CECR2: variants seen among roughly 807,000 people sequenced by gnomAD.
The protein encoded by CECR2 is CECR2 histone acetyl-lysine reader.
A neutral mutation model predicts 154.5 loss-of-function variants in CECR2; 30 were observed. The ratio of observed to expected loss-of-function variants is 0.19; its 90% confidence interval spans 0.15 to 0.26. The LOEUF (loss-of-function observed/expected upper bound fraction) is 0.26. CECR2 is among the 10% of genes least tolerant of loss of function. The pLI is 1.00. For synonymous variants in CECR2, 725 were observed against 683.7 expected (o/e 1.06, Z -0.94); for missense variants, 1,743 against 1,829.3 (o/e 0.95, Z 0.86).
chr22:17,511,571 T>TA (rs1321980100), intron 7 of CECR2, among the ~76,000 whole-genome samples: 10 of 151,904 alleles, frequency 6.6e-5, no homozygotes, highest in Non-Finnish European at 1.5e-4. Flanking sequence ...TTGCCAGTGA[T>TA]ACATATTATA....
intron 2 of CECR2, among the ~76,000 whole-genome samples, chr22:17,490,285 G>A (rs773381566): frequency 1.4e-4 from 22 of 151,884 alleles, no homozygotes; most frequent in African/African-American, 3.9e-4. Context: ...GATGTGTAGC[G>A]GTAGCTTTGT....
intron 1 of CECR2, chr22:17,419,662 A>G (rs1204344727): frequency 2.1e-5 from 7 of 328,808 alleles, no homozygotes; most frequent in Non-Finnish European, 3.7e-5. Context: ...ACTTGGATCT[A>G]TCAACAGTTA....
chr22:17,438,995 G>C (rs2054546358), intron 1 of CECR2, among the ~76,000 whole-genome samples: 2 of 152,084 alleles, frequency 1.3e-5, no homozygotes, highest in Admixed American at 6.6e-5. Context: ...GGGCAACAGA[G>C]TGAGACCTCA....
rs1300127854 is a variant in CECR2, at chr22:17,548,241, T to C, written c.2954T>C (p.Leu985Pro). The part of the protein sequence containing the change: ...LTQLPHPTPP[L>P]QTDCTRQSSP... ...CAACTACCTCACCCCACACCTCCCC[T>C]GCAGACTGACTGCACCAGGCAGAGC... The change falls in exon 17 of 19, where the codon CTG (leucine) becomes CCG (proline). Residue 985 changes from leucine to proline, a missense_variant. Physicochemically the swap from Leu to Pro is moderately conservative, Grantham distance 98. Coordinates refer to ENST00000262608, the MANE Select transcript of CECR2 (RefSeq NM_001290047.2). 6.3e-7 allele frequency: 1 copy of C among 1,597,930 alleles called. No homozygotes were observed.
chr22:17,500,824 TG>T, intron 5 of CECR2, 89 bp downstream of exon 5: 6 of 936,582 alleles, frequency 6.4e-6, no homozygotes, highest in Middle Eastern at 2.2e-4. Flanking sequence ...GCCTGTGCCA[TG>T]GGAAGCACAT....
intron 1 of CECR2, among the ~76,000 whole-genome samples, chr22:17,457,968 CAG>C (rs762412844): frequency 6.6e-6 from 1 of 152,026 alleles, no homozygotes; most frequent in Non-Finnish European, 1.5e-5. Flanking sequence ...ATTATAGAGA[CAG>C]AGAACAGATT....
chr22:17,511,105 G>GGGAA (rs2055942436), intron 7 of CECR2, among the ~76,000 whole-genome samples: 1 of 152,160 alleles, frequency 6.6e-6, no homozygotes, highest in Non-Finnish European at 1.5e-5. Context: ...GTTATCTTAA[G>GGGAA]GGAAGGCCTT....
At chr22:17,426,875 T>A (rs2054339178) in intron 1 of CECR2, among the ~76,000 whole-genome samples, 1 of 152,204 alleles carries the variant, frequency 6.6e-6, no homozygotes, top group African/African-American at 2.4e-5. Flanking sequence ...AATTTTTTTT[T>A]TAAATTATAC....
chr22:17,532,647 C>G (rs1341455123), intron 9 of CECR2, among the ~76,000 whole-genome samples: 1 of 146,918 alleles, frequency 6.8e-6, no homozygotes, highest in Non-Finnish European at 1.5e-5. Context: ...GAAAATCACC[C>G]AGGAAACTAT....
chr22:17,475,251 A>T (rs2055190214), intron 1 of CECR2, among the ~76,000 whole-genome samples: 1 of 152,132 alleles, frequency 6.6e-6, no homozygotes, highest in Non-Finnish European at 1.5e-5. Context: ...CTCTTAGAGA[A>T]AAGACACAGT....
At chr22:17,491,957 T>C (rs2055540584) in intron 2 of CECR2, among the ~76,000 whole-genome samples, 2 of 152,174 alleles carry the variant, frequency 1.3e-5, no homozygotes, top group African/African-American at 4.8e-5. Context: ...ATGTGGGATA[T>C]AGTAGCTATT....
chr22:17,551,896 TTG>T (rs2056713763), intron 17 of CECR2, 133 bp from the exon 18 acceptor site: 2 of 758,290 alleles, frequency 2.6e-6, no homozygotes, highest in South Asian at 3.5e-5. Flanking sequence ...GAATGTCGAG[TTG>T]TCCCAGTATG....
chr22:17,387,948 T>TG (rs1041282375), intron 1 of CECR2, among the ~76,000 whole-genome samples: 58 of 152,180 alleles, frequency 3.8e-4, no homozygotes, highest in African/African-American at 1.3e-3. Context: ...TGAGTTTTTT[T>TG]TTTGTTTGTT....
chr22:17,534,054 G>T (rs1244486490), intron 9 of CECR2, among the ~76,000 whole-genome samples: 1 of 152,096 alleles, frequency 6.6e-6, no homozygotes, highest in East Asian at 1.9e-4. Flanking sequence ...ATACGATAGG[G>T]TCAATCATTA....
At chr22:17,374,845 C>T (rs1049756692) in intron 1 of CECR2, among the ~76,000 whole-genome samples, 9 of 152,164 alleles carry the variant, frequency 5.9e-5, no homozygotes, top group African/African-American at 2.2e-4. Context: ...AGTTGAAAGT[C>T]TACAGAGGCT....
In CECR2 at chr22:17,554,107, T is replaced by C. The variant is rs1054947224; in HGVS notation, c.*1267T>C. ...CTGTTGTATCTGTGATAGGAAACCATTTTACAGTATTAAATTACTTTATTA... is the reference window on the plus strand; with the variant it reads ...CTGTTGTATCTGTGATAGGAAACCACTTTACAGTATTAAATTACTTTATTA... On this transcript the variant is annotated 3_prime_UTR_variant, in exon 19 of 19. Coordinates refer to ENST00000262608, the MANE Select transcript of CECR2 (RefSeq NM_001290047.2). 6.6e-6 allele frequency: 1 copy of C among 152,206 alleles called. No homozygotes were observed. Among genetic ancestry groups the C allele is most frequent in the Non-Finnish European group, 1.5e-5 (1 of 68,022 alleles). 9.4% of individuals were successfully genotyped at this position (152,206 alleles called of 1,614,324 possible).
At chr22:17,367,084 A>T (rs2063005981), upstream of CECR2, among the ~76,000 whole-genome samples, 1 of 152,276 alleles carries the variant, frequency 6.6e-6, no homozygotes, top group East Asian at 1.9e-4. Flanking sequence ...GAGCAGCACC[A>T]GGGGGCGCGT....
intron 1 of CECR2, among the ~76,000 whole-genome samples, chr22:17,401,531 A>T (rs1163241351): frequency 1.3e-5 from 2 of 149,824 alleles, no homozygotes; most frequent in Non-Finnish European, 3.0e-5. Context: ...CTGTTACTGT[A>T]TGTTAGTTTA....
At chr22:17,484,849 G>C (rs2055392547) in intron 2 of CECR2, among the ~76,000 whole-genome samples, 2 of 152,214 alleles carry the variant, frequency 1.3e-5, no homozygotes. Context: ...CAGCACTCCA[G>C]CCTCTGCGAC....
Sources: allele counts gnomAD v4.1 joint callset (sites outside exome capture counted in the v4.1 genomes callset), GRCh38; gene constraint gnomAD v4.1.1; transcripts MANE v1.5; gene names NCBI Gene and HGNC (gene_info 2026-07-23, HGNC 2026-07-21).